The following DYNC1I1 variants were observed in gnomAD, a reference collection of about 807,000 sequenced individuals.
DYNC1I1 encodes cytoplasmic dynein 1 intermediate chain 1.
A neutral mutation model predicts 86.6 loss-of-function variants in DYNC1I1; 43 were observed. The ratio of observed to expected loss-of-function variants is 0.50; its 90% CI spans 0.39 to 0.64. The LOEUF is 0.64. Among genes scored for constraint, DYNC1I1 ranks in the 30% least tolerant of loss-of-function variants. The pLI is 0.00. For missense variants in DYNC1I1, 604 were observed against 788.8 expected (o/e 0.77, Z 2.81); for synonymous variants, 262 against 283.7 (o/e 0.92, Z 0.77).
At chr7:96,080,117 G>A (rs1790467684) in intron 15 of DYNC1I1, among the ~76,000 whole-genome samples, 1 of 152,050 alleles carries the variant, frequency 6.6e-6, no homozygotes, top group African/African-American at 2.4e-5. Flanking sequence ...ACTGCCCGGT[G>A]ACTATGTAAA....
chr7:95,936,956 TCACACA>T (rs57989893), intron 6 of DYNC1I1, among the ~76,000 whole-genome samples: 24 of 134,286 alleles, frequency 1.8e-4, no homozygotes, highest in Middle Eastern at 3.6e-3. Flanking sequence ...AGAATATGTC[TCACACA>T]CACACACACA....
intron 8 of DYNC1I1, 70 bp from the exon 9 acceptor site, chr7:95,986,986 A>T (rs1338658894): frequency 5.0e-6 from 7 of 1,391,604 alleles, no homozygotes; most frequent in Non-Finnish European, 7.1e-6. Flanking sequence ...CTTTTGCCAT[A>T]TCAGTGCTTC....
intron 14 of DYNC1I1, among the ~76,000 whole-genome samples, chr7:96,067,358 C>T (rs982793811): frequency 2.0e-5 from 3 of 151,932 alleles, no homozygotes; most frequent in Admixed American, 1.3e-4. Flanking sequence ...CATTTTCATT[C>T]CCCTTTCCTA....
At chr7:95,779,641 C>CCTG (rs764766853) in intron 1 of DYNC1I1, among the ~76,000 whole-genome samples, 1 of 152,146 alleles carries the variant, frequency 6.6e-6, no homozygotes, top group Non-Finnish European at 1.5e-5. Context: ...ACTTTAGGCT[C>CCTG]CTTCAGACAT....
chr7:95,951,141 T>A (rs1385717113), intron 6 of DYNC1I1, among the ~76,000 whole-genome samples: 2 of 152,234 alleles, frequency 1.3e-5, no homozygotes, highest in Non-Finnish European at 2.9e-5. Context: ...AGTTGTGTGA[T>A]ATAATTGAAA....
At chr7:95,902,031 G>T (rs1791049437) in intron 6 of DYNC1I1, among the ~76,000 whole-genome samples, 1 of 152,174 alleles carries the variant, frequency 6.6e-6, no homozygotes, top group Admixed American at 6.6e-5. Context: ...CTGCCAGATG[G>T]GTTGTTTAGT....
In DYNC1I1 at chr7:96,039,593, A is replaced by G. The variant is rs896434618; in HGVS notation, c.1509+172A>G. On this transcript the variant is annotated intron_variant, in intron 14 of 16. Coordinates refer to ENST00000447467, the MANE Select transcript of DYNC1I1 (RefSeq NM_001135556.2). ...AGAGCTAGTTAAGTCCATTTTATTTACTTTTACACATATAGGTAATACTTG... is the reference window on the plus strand; with the variant it reads ...AGAGCTAGTTAAGTCCATTTTATTTGCTTTTACACATATAGGTAATACTTG... Among the ~76,000 whole-genome samples the G allele has an allele frequency of 6.6e-5, 10 of 152,196 alleles. 1 individual carries two copies. Among genetic ancestry groups the G allele is most frequent in the Admixed American group, 6.5e-4 (10 of 15,280 alleles).
At chr7:95,917,411 A>G (rs190911275) in intron 6 of DYNC1I1, among the ~76,000 whole-genome samples, 64 of 152,258 alleles carry the variant, frequency 4.2e-4, no homozygotes, top group African/African-American at 1.5e-3. Context: ...TTTATAAAAT[A>G]TTATAAACTG....
intron 1 of DYNC1I1, among the ~76,000 whole-genome samples, chr7:95,795,926 C>G (rs1274323243): frequency 6.6e-6 from 1 of 150,538 alleles, no homozygotes; most frequent in African/African-American, 2.5e-5. Flanking sequence ...TTAAAAATGC[C>G]TCTGTGAACA....
At chr7:95,873,678 T>G (rs1790231717) in intron 6 of DYNC1I1, among the ~76,000 whole-genome samples, 1 of 152,072 alleles carries the variant, frequency 6.6e-6, no homozygotes, top group Non-Finnish European at 1.5e-5. Context: ...ATGTTGAAGG[T>G]GAGATTGACA....
chr7:96,110,109 TA>T, downstream of DYNC1I1: 1 of 443,174 alleles, frequency 2.3e-6, no homozygotes, highest in East Asian at 7.7e-5. Context: ...TTATATCAGC[TA>T]CTGAGAGATG....
chr7:95,909,418 T>C (rs1791269827), intron 6 of DYNC1I1, among the ~76,000 whole-genome samples: 1 of 152,106 alleles, frequency 6.6e-6, no homozygotes, highest in African/African-American at 2.4e-5. Context: ...TTTTTAAACC[T>C]GTGTTTATTG....
At chr7:95,911,966 T>C (rs79725765) in intron 6 of DYNC1I1, among the ~76,000 whole-genome samples, 1,761 of 152,308 alleles carry the variant, frequency 0.012, 15 homozygotes, top group Non-Finnish European at 0.02. Flanking sequence ...TCCCAAGCAC[T>C]CAAATTTGTG....
At chr7:96,106,047 T>C (rs958362319) in intron 16 of DYNC1I1, among the ~76,000 whole-genome samples, 1 of 152,154 alleles carries the variant, frequency 6.6e-6, no homozygotes, top group Non-Finnish European at 1.5e-5. Flanking sequence ...AAATAAAAGG[T>C]CTTGCTAGGA....
At chr7:95,884,763 G>A (rs900959609) in intron 6 of DYNC1I1, among the ~76,000 whole-genome samples, 8 of 148,040 alleles carry the variant, frequency 5.4e-5, no homozygotes, top group Admixed American at 1.4e-4. Flanking sequence ...GCGAGACCCC[G>A]TTCTCCACGA....
At chr7:96,064,545 A>G (rs1789899756) in intron 14 of DYNC1I1, among the ~76,000 whole-genome samples, 1 of 152,156 alleles carries the variant, frequency 6.6e-6, no homozygotes, top group Admixed American at 6.5e-5. Flanking sequence ...TGGGCAGCAA[A>G]TGTGACCTTC....
chr7:95,791,051 G>A (rs1392997816), intron 1 of DYNC1I1, among the ~76,000 whole-genome samples: 1 of 152,112 alleles, frequency 6.6e-6, no homozygotes, highest in Non-Finnish European at 1.5e-5. Context: ...TAGAAGATTA[G>A]AATAAATTGA....
chr7:95,791,469 C>T (rs1210612958), intron 1 of DYNC1I1, among the ~76,000 whole-genome samples: 2 of 152,158 alleles, frequency 1.3e-5, no homozygotes, highest in East Asian at 1.9e-4. Flanking sequence ...GCCAGGTTAC[C>T]TGAGAGTAGT....
At chr7:95,890,780 C>G (rs1681753163) in intron 6 of DYNC1I1, among the ~76,000 whole-genome samples, 1 of 152,056 alleles carries the variant, frequency 6.6e-6, no homozygotes, top group South Asian at 2.1e-4. Context: ...GGGATGGATC[C>G]CTAAAATCTG....
Sources: gnomAD v4.1 joint callset for allele counts (sites outside exome capture counted in the v4.1 genomes callset) on GRCh38, gnomAD v4.1.1 for gene constraint, MANE v1.5 for transcripts, NCBI Gene and HGNC (gene_info 2026-07-23, HGNC 2026-07-21) for gene names.